The following TLR9 variants were observed in gnomAD, a reference collection of about 807,000 sequenced individuals.
The protein encoded by TLR9 is toll like receptor 9, also known as toll-like receptor 9.
Under a neutral mutation model 24.6 loss-of-function variants are expected in TLR9, and 19 were observed. The ratio of observed to expected loss-of-function variants is 0.77; its 90% CI spans 0.54 to 1.13. TLR9 has a LOEUF of 1.13. Ranked by LOEUF, TLR9 falls within the 50% of genes most tolerant of loss-of-function variation. TLR9 has a pLI of 0.00. For synonymous variants in TLR9, 579 were observed against 609.8 expected, an observed-to-expected ratio of 0.95 and a Z score of 0.74; for missense variants, 1,065 against 1,379.6, an observed-to-expected ratio of 0.77 and a Z score of 3.61.
rs374460076 is a variant in TLR9 at position 52,222,614 on chromosome 3, A to C, written c.1702T>G (p.Phe568Val). 2.5e-6 allele frequency: 4 copies of C among 1,614,002 alleles called. No individual in the cohort carries two copies. Among genetic ancestry groups the C allele is most frequent in the Non-Finnish European group, 3.4e-6 (4 of 1,180,032 alleles). Residue 568 changes from phenylalanine to valine, a missense_variant, in exon 2 of 2, where the codon TTC (phenylalanine) becomes GTC (valine). Transcript: ENST00000360658. Reference sequence around the variant, plus strand: ...GTGCGCAGGTGAGCCACGAAGCTGAAGTTGTGGCCCACGCCCTGCATGCCA... The same window carrying C: ...GTGCGCAGGTGAGCCACGAAGCTGACGTTGTGGCCCACGCCCTGCATGCCA... ...PFGMQGVGHN[F>V]SFVAHLRTLR...
chr3:52,225,401 G>T, intron 1 of TLR9, 126 bp downstream of exon 1: 1 of 1,194,008 alleles, frequency 8.4e-7, no homozygotes, highest in Non-Finnish European at 1.2e-6. Context: ...TCAGGATTCA[G>T]TGAGTGTCCC....
Position 52,222,987 on chromosome 3 carries a change from C to T in TLR9, c.1329G>A (p.Gly443=). The T allele has an allele frequency of 1.3e-6, 2 of 1,592,874 alleles. No individual in the cohort carries two copies. The highest frequency in any genetic ancestry group is 1.7e-6 in the Non-Finnish European group (2 of 1,167,766). The change falls in exon 2 of 2, where the codon GGG becomes GGA. Residue 443 remains glycine, a synonymous_variant. Transcript: ENST00000360658. ...LTATMGEADG[G]EKVWLQPGDL... is the part of the protein sequence containing the mutation. ...CCCCAGGCTGCAGCCAGACCTTCTC[C>T]CCTCCATCTGCCTCCCCCATGGTGG...
chr3:52,221,228 TG>T lies in TLR9; in HGVS notation c.3087del (p.Thr1030ArgfsTer37). Reference protein sequence around the residue: ...HFYNRNFCQGPTAE With the variant: ...HFYNRNFCQGXTAE Reference sequence around the variant, plus strand: ...ATTCCGGCTCACGGCTATTCGGCCGTGGGTCCCTGGCAGAAGTTCCGGTTAT... The same window carrying T: ...ATTCCGGCTCACGGCTATTCGGCCGTGGTCCCTGGCAGAAGTTCCGGTTAT... On this transcript the variant is annotated frameshift_variant, in exon 2 of 2. Coordinates refer to ENST00000360658, the MANE Select transcript of TLR9 (RefSeq NM_017442.4). LOFTEE classifies it high-confidence loss of function. The surrounding 1 kb of genome is among the most constrained non-coding windows in gnomAD (Gnocchi z 9.9). 2 of 1,511,532 alleles carry T rather than the reference TG, an allele frequency of 1.3e-6. No individual in the cohort carries two copies. Among genetic ancestry groups the T allele is most frequent in the South Asian group, 2.7e-5 (2 of 74,782 alleles). 93.6% of individuals were successfully genotyped at this position (1,511,532 alleles called of 1,614,324 possible).
rs200178079 is a variant in TLR9, at chr3:52,225,512, G to C, written c.3+15C>G. 1.3e-6 allele frequency: 2 copies of C among 1,592,436 alleles called. No homozygotes were observed. Among genetic ancestry groups the C allele is most frequent in the Non-Finnish European group, 1.7e-6 (2 of 1,173,032 alleles). ...GATATCCCCTTCCCCAGGGGACTGA[G>C]AGCTGTTGTCCTACCATGCTGGGGG... On this transcript the variant is annotated intron_variant, in intron 1 of 1. Coordinates refer to ENST00000360658, the MANE Select transcript of TLR9 (RefSeq NM_017442.4).
Position 52,223,932 on chromosome 3 carries a change from T to C in TLR9, c.384A>G (p.Leu128=). 1 of 1,594,134 alleles carries C rather than the reference T, an allele frequency of 6.3e-7. No individual in the cohort carries two copies. The highest frequency in any genetic ancestry group is 1.1e-5 in the South Asian group (1 of 88,534). Residue 128 remains leucine, a synonymous_variant, in exon 2 of 2, where the codon CTA becomes CTG. Coordinates refer to ENST00000360658, the MANE Select transcript of TLR9 (RefSeq NM_017442.4). ...TCATGATGTTGTTGTAGCTCAGGTT[T>C]AGCTCTTCCAGGGTGGGCACAGCCA... ...TFLAVPTLEE[L]NLSYNNIMTV...
rs1699577418 is a variant in TLR9, at chr3:52,222,892, A to T, written c.1424T>A (p.Phe475Tyr). Residue 475 changes from phenylalanine (F) to tyrosine (Y), a missense_variant, in exon 2 of 2, where the codon TTC becomes TAC. Phe to Tyr is a conservative substitution (Grantham distance 22, BLOSUM62 3). Coordinates refer to ENST00000360658, the MANE Select transcript of TLR9 (RefSeq NM_017442.4). ...GTTGTTCCGTGACAGATCCAAGGTG[A>T]AGTTGAGGGTGCTGCAGTTGGGCCT... ...DFRPNCSTLN[F>Y]TLDLSRNNLV... The T allele has an allele frequency of 6.2e-7, 1 of 1,606,092 alleles. No homozygotes were observed. The highest frequency in any genetic ancestry group is 8.5e-7 in the Non-Finnish European group (1 of 1,173,876).
In TLR9 at chr3:52,223,371, C is replaced by G. The variant is rs375253967; in HGVS notation, c.945G>C (p.Leu315=). 1 of 1,614,202 alleles carries G rather than the reference C, an allele frequency of 6.2e-7. No homozygotes were observed. Among genetic ancestry groups the G allele is most frequent in the Non-Finnish European group, 8.5e-7 (1 of 1,180,038 alleles). Residue 315 remains leucine (L), a synonymous_variant, in exon 2 of 2, where the codon CTG becomes CTC. Coordinates refer to ENST00000360658, the MANE Select transcript of TLR9 (RefSeq NM_017442.4). ...TGCATTTGTAGAGGAAGTTCTCACT[C>G]AGGTCCAGCACTCGGAGGTTTCCCA... ...RGLGNLRVLD[L]SENFLYKCIT...
chr3:52,224,708 G>A (rs1435409974), intron 1 of TLR9, among the ~76,000 whole-genome samples: 4 of 151,986 alleles, frequency 2.6e-5, no homozygotes, highest in Admixed American at 2.0e-4. Context: ...CCTGAAATCC[G>A]CTCTCTGCCC....
In TLR9 at chr3:52,223,818, C is replaced by T; in HGVS notation, c.498G>A (p.Leu166=). The change falls in exon 2 of 2, where the codon CTG becomes CTA. Residue 166 remains leucine (L), a synonymous_variant. Transcript: ENST00000360658. ...LMLDSASLAG[L]HALRFLFMDG... Reference sequence around the variant, plus strand: ...CCATGAATAGGAAGCGCAGGGCATGCAGGCCGGCGAGGCTGGCAGAGTCTA... The same window carrying T: ...CCATGAATAGGAAGCGCAGGGCATGTAGGCCGGCGAGGCTGGCAGAGTCTA... 6.2e-7 allele frequency: 1 copy of T among 1,606,210 alleles called. No homozygotes were observed. Among genetic ancestry groups the T allele is most frequent in the Non-Finnish European group, 8.5e-7 (1 of 1,175,668 alleles).
intron 1 of TLR9, among the ~76,000 whole-genome samples, chr3:52,224,620 G>T (rs986687752): frequency 2.0e-5 from 3 of 152,092 alleles, no homozygotes; most frequent in Admixed American, 6.6e-5. Flanking sequence ...GGTGGCCCAC[G>T]GCCCCCCCTG....
rs1699546142 is a variant in TLR9 at position 52,221,149 on chromosome 3, G to A, written c.*68C>T. ...TGGGGTGAGGGAGGCGAGCAGGGGAGGGTCAGACCAGGCAGGCAGAGGTGA... is the reference window on the plus strand; with the variant it reads ...TGGGGTGAGGGAGGCGAGCAGGGGAAGGTCAGACCAGGCAGGCAGAGGTGA... On this transcript the variant is annotated 3_prime_UTR_variant, in exon 2 of 2. Transcript: ENST00000360658. This position sits in a 1 kb window ranked among gnomAD's most constrained non-coding sequence, Gnocchi z 9.9. 2.8e-6 allele frequency: 4 copies of A among 1,419,130 alleles called. No homozygotes were observed. Among genetic ancestry groups the A allele is most frequent in the Middle Eastern group, 3.7e-4 (2 of 5,364 alleles). 87.9% of individuals were successfully genotyped at this position (1,419,130 alleles called of 1,614,324 possible). A position where few individuals can be genotyped will look rare whatever the true frequency, so the allele number is the denominator to read the frequency against.
Position 52,223,530 on chromosome 3 carries a change from G to C in TLR9, c.786C>G (p.Pro262=). The part of the protein sequence containing the change: ...GGNCRRCDHA[P]NPCMECPRHF... ...GACGAGGGCACTCCATGCAGGGGTT[G>C]GGAGCGTGGTCGCAGCGGCGGCAAT... Residue 262 remains proline, a synonymous_variant, in exon 2 of 2, where the codon CCC becomes CCG. Transcript: ENST00000360658. 1.3e-6 allele frequency: 2 copies of C among 1,540,542 alleles called. No homozygotes were observed. Among genetic ancestry groups the C allele is most frequent in the East Asian group, 2.3e-5 (1 of 44,204 alleles).
In TLR9 at chr3:52,225,519, TGTC is replaced by T. The variant is rs750652172; in HGVS notation, c.3+5_3+7del. On this transcript the variant is annotated splice_donor_5th_base_variant and intron_variant, in intron 1 of 1. Coordinates refer to ENST00000360658, the MANE Select transcript of TLR9 (RefSeq NM_017442.4). ...CCTTCCCCAGGGGACTGAGAGCTGT[TGTC>T]CTACCATGCTGGGGGGCAGGGGCTT... is the stretch of plus-strand genomic sequence containing the variant. 6.3e-6 allele frequency: 10 copies of T among 1,589,316 alleles called. No individual in the cohort carries two copies. The highest frequency in any genetic ancestry group is 8.5e-6 in the Non-Finnish European group (10 of 1,171,922).
Position 52,223,197 on chromosome 3 carries a change from G to A in TLR9, c.1119C>T (p.Gly373=). ...TCTCATCGAGTGAGCGGAAGAAGAT[G>A]CCGTGCATGTCCAGCTCCTTCAGGG... is the stretch of plus-strand genomic sequence containing the variant. The part of the protein sequence containing the change: ...LVALKELDMH[G]IFFRSLDETT... Residue 373 remains glycine (G), a synonymous_variant, in exon 2 of 2, where the codon GGC becomes GGT. Coordinates refer to ENST00000360658, the MANE Select transcript of TLR9 (RefSeq NM_017442.4). 6.2e-7 allele frequency: 1 copy of A among 1,613,682 alleles called. No homozygotes were observed.
Position 52,223,204 on chromosome 3 carries a change from A to G in TLR9, c.1112T>C (p.Met371Thr), listed in dbSNP as rs1327780209. 6.2e-7 allele frequency: 1 copy of G among 1,613,644 alleles called. No homozygotes were observed. The highest frequency in any genetic ancestry group is 8.5e-7 in the Non-Finnish European group (1 of 1,179,770). The stretch of plus-strand genomic sequence containing the variant: ...GAGTGAGCGGAAGAAGATGCCGTGC[A>G]TGTCCAGCTCCTTCAGGGCGACCAG... ...GSLVALKELDMHGIFFRSLDE... is the reference protein window; with the variant it reads ...GSLVALKELDTHGIFFRSLDE... Residue 371 changes from methionine to threonine, a missense_variant, in exon 2 of 2, where the codon ATG becomes ACG. Transcript: ENST00000360658.
At chr3:52,224,559 A>G (rs1469094404) in intron 1 of TLR9, among the ~76,000 whole-genome samples, 3 of 152,182 alleles carry the variant, frequency 2.0e-5, no homozygotes, top group Non-Finnish European at 4.4e-5. Context: ...ATCCAGACTT[A>G]TGATCTACAG....
Position 52,221,154 on chromosome 3 carries a change from A to G in TLR9, c.*63T>C. 1 of 1,448,234 alleles carries G rather than the reference A, an allele frequency of 6.9e-7. No homozygotes were observed. The highest frequency in any genetic ancestry group is 1.8e-4 in the Middle Eastern group (1 of 5,438). 89.7% of individuals were successfully genotyped at this position (1,448,234 alleles called of 1,614,324 possible). On this transcript the variant is annotated 3_prime_UTR_variant, in exon 2 of 2. Transcript: ENST00000360658. The surrounding 1 kb of genome is among the most constrained non-coding windows in gnomAD (Gnocchi z 9.9). ...TGAGGGAGGCGAGCAGGGGAGGGTC[A>G]GACCAGGCAGGCAGAGGTGAGGTGA... is the stretch of plus-strand genomic sequence containing the variant.
rs1006284456 is a variant in TLR9, at chr3:52,223,124, G to C, written c.1192C>G (p.Leu398Val). ...ARLPMLQTLR[L>V]QMNFINQAQL... ...GCCTGGTTGATGAAGTTCATCTGCA[G>C]ACGCAGAGTCTGGAGCATGGGCAGG... Residue 398 changes from leucine to valine, a missense_variant, in exon 2 of 2, where the codon CTG becomes GTG. Leu to Val is a conservative substitution (Grantham distance 32). Coordinates refer to ENST00000360658, the MANE Select transcript of TLR9 (RefSeq NM_017442.4). 1 of 1,613,880 alleles carries C rather than the reference G, an allele frequency of 6.2e-7. No individual in the cohort carries two copies. Among genetic ancestry groups the C allele is most frequent in the Non-Finnish European group, 8.5e-7 (1 of 1,179,946 alleles).
rs200200453 is a variant in TLR9 at position 52,221,747 on chromosome 3, G to C, written c.2569C>G (p.Arg857Gly). The C allele has an allele frequency of 6.2e-7, 1 of 1,613,948 alleles. No homozygotes were observed. ...TCATCTCGCCCACTTTGCCGCCCCC[G>C]CCAGGGAAGCCAGGCCAGGCACAGG... The part of the protein sequence containing the change: ...FHLCLAWLPW[R>G]GRQSGRDEDA... Residue 857 changes from arginine to glycine, a missense_variant, in exon 2 of 2, where the codon CGG becomes GGG. Arg to Gly is a moderately radical substitution (Grantham distance 125). Coordinates refer to ENST00000360658, the MANE Select transcript of TLR9 (RefSeq NM_017442.4). This position sits in a 1 kb window ranked among gnomAD's most constrained non-coding sequence, Gnocchi z 9.9.
Sources: allele counts gnomAD v4.1 joint callset (sites outside exome capture counted in the v4.1 genomes callset), GRCh38; gene constraint gnomAD v4.1.1; non-coding constraint Gnocchi (gnomAD v3.1); transcripts MANE v1.5; gene names NCBI Gene and HGNC (gene_info 2026-07-23, HGNC 2026-07-21).